The following SHC4 variants were observed in gnomAD, a reference collection of about 807,000 sequenced individuals.
SHC4 encodes SHC-transforming protein 4.
A neutral mutation model predicts 69.4 loss-of-function variants in SHC4; 41 were observed. The observed-to-expected ratio is 0.59, with a 90% CI of 0.46 to 0.77. The LOEUF is 0.77. SHC4 is among the 30% of genes least tolerant of loss of function. SHC4 has a pLI of 0.00. For synonymous variants in SHC4, 318 were observed against 299.3 expected (o/e 1.06, Z -0.64); for missense variants, 777 against 783.8 (o/e 0.99, Z 0.10).
intron 8 of SHC4, among the ~76,000 whole-genome samples, chr15:48,853,568 A>C (rs529648623): frequency 1.3e-5 from 2 of 152,334 alleles, no homozygotes; most frequent in East Asian, 3.9e-4. Context: ...CAGAGGCATC[A>C]CATTATCTGA....
chr15:48,895,143 G>C (rs1241522761), intron 2 of SHC4, among the ~76,000 whole-genome samples: 1 of 152,042 alleles, frequency 6.6e-6, no homozygotes, highest in Non-Finnish European at 1.5e-5. Flanking sequence ...GTCAGGCCCA[G>C]AAGTGAGCAC....
chr15:48,922,914 T>A (rs896905472), intron 2 of SHC4, among the ~76,000 whole-genome samples: 1 of 152,172 alleles, frequency 6.6e-6, no homozygotes, highest in Admixed American at 6.5e-5. Flanking sequence ...GCACTGAGAA[T>A]GTGTAAGAGA....
In SHC4 at chr15:48,948,571, C is replaced by T. The variant is rs114560442; in HGVS notation, c.585+13860G>A. ...TGCTGTATATGGCACCTGTATATTGCAATTGTAACTGCTATTGAAATCACA... is the reference window on the plus strand; with the variant it reads ...TGCTGTATATGGCACCTGTATATTGTAATTGTAACTGCTATTGAAATCACA... On this transcript the variant is annotated intron_variant, in intron 1 of 11. Transcript: ENST00000332408. Among the ~76,000 whole-genome samples, 822 of 152,284 alleles carry T rather than the reference C, an allele frequency of 5.4e-3. 17 individuals carry two copies. Among genetic ancestry groups the T allele is most frequent in the African/African-American group, 0.019 (786 of 41,556 alleles).
chr15:48,866,683 C>T (rs1899566105), intron 6 of SHC4, among the ~76,000 whole-genome samples: 2 of 152,154 alleles, frequency 1.3e-5, no homozygotes, highest in South Asian at 4.1e-4. Flanking sequence ...ATTGTGAGGT[C>T]CAGGGTGTTC....
chr15:48,912,277 A>G (rs1180047977), intron 2 of SHC4, among the ~76,000 whole-genome samples: 1 of 151,826 alleles, frequency 6.6e-6, no homozygotes, highest in African/African-American at 2.4e-5. Context: ...CTTCACTCAT[A>G]TTTTCTTATT....
At chr15:48,828,285 C>G (rs1898728611) in intron 11 of SHC4, among the ~76,000 whole-genome samples, 2 of 152,132 alleles carry the variant, frequency 1.3e-5, no homozygotes, top group South Asian at 4.1e-4. Context: ...ACCCATCAAA[C>G]AGCAACTACC....
chr15:48,944,903 T>C (rs1901247502), intron 1 of SHC4, among the ~76,000 whole-genome samples: 1 of 152,244 alleles, frequency 6.6e-6, no homozygotes, highest in Non-Finnish European at 1.5e-5. Context: ...AACACCTTAC[T>C]GAAAGTATTA....
At chr15:48,829,008 CT>C in intron 11 of SHC4, among the ~76,000 whole-genome samples, 1 of 152,252 alleles carries the variant, frequency 6.6e-6, no homozygotes, top group East Asian at 1.9e-4. Flanking sequence ...TGTGCAGAAG[CT>C]TTTTAGTTTA....
intron 1 of SHC4, among the ~76,000 whole-genome samples, chr15:48,925,911 G>A (rs1344462695): frequency 2.0e-5 from 3 of 152,274 alleles, no homozygotes; most frequent in East Asian, 3.9e-4. Context: ...TACAGAATTC[G>A]GCAGTTGATT....
intron 1 of SHC4, among the ~76,000 whole-genome samples, chr15:48,933,276 C>T (rs1308860864): frequency 6.6e-6 from 1 of 152,070 alleles, no homozygotes; most frequent in Non-Finnish European, 1.5e-5. Flanking sequence ...TTAATTCCAG[C>T]AAGTCACAAT....
chr15:48,824,269 G>A lies in SHC4; in HGVS notation c.*1702C>T, dbSNP rs1252161884. ...TAAGCCTTTACAGTAAAATATTAGA[G>A]TGCAGTATGCTTGGTTTCTAATGAT... On this transcript the variant is annotated 3_prime_UTR_variant, in exon 12 of 12. Coordinates refer to ENST00000332408, the MANE Select transcript of SHC4 (RefSeq NM_203349.4). 6.6e-6 allele frequency: 1 copy of A among 152,044 alleles called. No individual in the cohort carries two copies. The highest frequency in any genetic ancestry group is 2.4e-5 in the African/African-American group (1 of 41,392). 9.4% of individuals were successfully genotyped at this position (152,044 alleles called of 1,614,324 possible).
chr15:48,873,063 T>C (rs903957688), intron 4 of SHC4, among the ~76,000 whole-genome samples: 1 of 152,066 alleles, frequency 6.6e-6, no homozygotes, highest in Non-Finnish European at 1.5e-5. Flanking sequence ...AAGAAGACAA[T>C]AACTGCCCTG....
In SHC4 at chr15:48,877,525, G is replaced by C. The variant is rs146650226; in HGVS notation, c.841-5383C>G. 2.4e-4 allele frequency: 237 copies of C among 984,062 alleles called. No individual in the cohort carries two copies. In the African/African-American group the frequency reaches 3.9e-3, roughly 16 times the overall value. 61.0% of individuals were successfully genotyped at this position (984,062 alleles called of 1,614,324 possible). On this transcript the variant is annotated intron_variant, in intron 4 of 11. Coordinates refer to ENST00000332408, the MANE Select transcript of SHC4 (RefSeq NM_203349.4). Reference sequence around the variant, plus strand: ...TAGTATTTTGCTGTCAATACATAAAGATACATGTAAATGCAAATAAAAAGA... The same window carrying C: ...TAGTATTTTGCTGTCAATACATAAACATACATGTAAATGCAAATAAAAAGA...
chr15:48,886,474 C>A (rs963567868), intron 3 of SHC4, among the ~76,000 whole-genome samples: 1 of 151,872 alleles, frequency 6.6e-6, no homozygotes, highest in Non-Finnish European at 1.5e-5. Flanking sequence ...AGTTAAAAGA[C>A]CGATGGAAGA....
intron 10 of SHC4, among the ~76,000 whole-genome samples, chr15:48,840,267 T>C (rs574347073): frequency 6.6e-6 from 1 of 152,318 alleles, no homozygotes; most frequent in South Asian, 2.1e-4. Flanking sequence ...GTATTTGTTA[T>C]GGCAACTGAG....
At chr15:48,910,346 G>T (rs148831597) in intron 2 of SHC4, among the ~76,000 whole-genome samples, 1 of 151,992 alleles carries the variant, frequency 6.6e-6, no homozygotes, top group African/African-American at 2.4e-5. Flanking sequence ...GTTTATGTGC[G>T]TAAAGGTGCT....
chr15:48,867,934 T>C, intron 5 of SHC4, 65 bp from the exon 6 acceptor site: 1 of 1,374,774 alleles, frequency 7.3e-7, no homozygotes, highest in Non-Finnish European at 1.0e-6. Flanking sequence ...GAAACATATA[T>C]TTTGGACATG....
chr15:48,890,280 A>G (rs891764296), intron 3 of SHC4, among the ~76,000 whole-genome samples: 3 of 152,198 alleles, frequency 2.0e-5, no homozygotes, highest in Admixed American at 6.5e-5. Flanking sequence ...CTATTACCTC[A>G]CCTTTACCAC....
chr15:48,864,416 T>TCCAATA (rs1396847836), intron 6 of SHC4, among the ~76,000 whole-genome samples: 1 of 151,130 alleles, frequency 6.6e-6, no homozygotes, highest in East Asian at 1.9e-4. Flanking sequence ...TTTTCTGCTT[T>TCCAATA]CCAATACCAA....
Sources: gnomAD v4.1 joint callset for allele counts (sites outside exome capture counted in the v4.1 genomes callset) on GRCh38, gnomAD v4.1.1 for gene constraint, MANE v1.5 for transcripts, NCBI Gene and HGNC (gene_info 2026-07-23, HGNC 2026-07-21) for gene names.